Variants in SCNN1B observed in about 807,000 individuals in gnomAD.
The protein encoded by SCNN1B is sodium channel epithelial 1 subunit beta.
SCNN1B carries 46 observed loss-of-function variants against 65.3 expected under a neutral mutation model. The observed-to-expected ratio is 0.70, with a 90% CI of 0.56 to 0.90. The LOEUF is 0.90. SCNN1B is among the 40% of genes least tolerant of loss of function. The pLI, the probability that SCNN1B is intolerant of heterozygous loss-of-function variation, is 0.00. For synonymous variants in SCNN1B, 349 were observed against 330.6 expected, an observed-to-expected ratio of 1.06 and a Z score of -0.60; for missense variants, 751 against 830.5, an observed-to-expected ratio of 0.90 and a Z score of 1.18.
At chr16:23,296,433 T>C (rs1960997803) in intron 2 of SCNN1B, among the ~76,000 whole-genome samples, 1 of 152,208 alleles carries the variant, frequency 6.6e-6, no homozygotes, top group South Asian at 2.1e-4. Context: ...TCCGGTCCCC[T>C]ACCCACCCCA....
chr16:23,355,729 AG>A (rs1251928929), intron 4 of SCNN1B, among the ~76,000 whole-genome samples: 1 of 152,108 alleles, frequency 6.6e-6, no homozygotes, highest in Non-Finnish European at 1.5e-5. Context: ...AAAAGTCTGC[AG>A]GGAAAGTGGG....
intron 5 of SCNN1B, among the ~76,000 whole-genome samples, chr16:23,369,028 C>A (rs750631180): frequency 1.7e-4 from 26 of 152,230 alleles, no homozygotes; most frequent in Non-Finnish European, 3.4e-4. Context: ...TGCGCTTGAA[C>A]CCCTTACATT....
chr16:23,303,332 G>C (rs1363031993), intron 1 of SCNN1B, among the ~76,000 whole-genome samples: 1 of 152,086 alleles, frequency 6.6e-6, no homozygotes, highest in African/African-American at 2.4e-5. Context: ...TTGGTCCCTG[G>C]CAGCCCAGCT....
intron 1 of SCNN1B, among the ~76,000 whole-genome samples, chr16:23,324,281 G>A (rs1961648291): frequency 6.6e-6 from 1 of 151,318 alleles, no homozygotes; most frequent in Non-Finnish European, 1.5e-5. Flanking sequence ...TGGAACTCCT[G>A]GGATCCAGCG....
chr16:23,281,602 A>G (rs898267160), intron 1 of SCNN1B, among the ~76,000 whole-genome samples: 2 of 152,170 alleles, frequency 1.3e-5, no homozygotes, highest in African/African-American at 4.8e-5. Context: ...AAGAATAGAT[A>G]AGGGTTTTTA....
At chr16:23,322,256 T>G (rs1567296638) in intron 1 of SCNN1B, among the ~76,000 whole-genome samples, 1 of 152,062 alleles carries the variant, frequency 6.6e-6, no homozygotes, top group Non-Finnish European at 1.5e-5. Flanking sequence ...CCAACATACA[T>G]ACAACACAAG....
In SCNN1B at chr16:23,337,554, T is replaced by C. The variant is rs1320814998; in HGVS notation, c.-8-11038T>C. ...CACCATGCCCGGCTAATTTTTGTAT[T>C]TTTAGTAGAGACAGGGTTTCACCAT... On this transcript the variant is annotated intron_variant, in intron 1 of 12. Coordinates refer to ENST00000343070, the MANE Select transcript of SCNN1B (RefSeq NM_000336.3). Among the ~76,000 whole-genome samples, 6 of 151,950 alleles carry C rather than the reference T, an allele frequency of 3.9e-5. No individual in the cohort carries two copies. The East Asian group carries it at 1.2e-3, about 30-fold the overall frequency.
Position 23,375,819 on chromosome 16 carries a change from G to A in SCNN1B, c.1234G>A (p.Glu412Lys). 1 of 1,613,906 alleles carries A rather than the reference G, an allele frequency of 6.2e-7. No individual in the cohort carries two copies. The highest frequency in any genetic ancestry group is 1.7e-5 in the Admixed American group (1 of 60,020). The change falls in exon 8 of 13, where the codon GAG becomes AAG. Residue 412 changes from glutamate (E) to lysine (K), a missense_variant. By Grantham distance (56) the Glu-to-Lys change is moderately conservative (BLOSUM62 1). Transcript: ENST00000343070. ...GHYLYPLPRG[E>K]KYCNNRDFPD... is the part of the protein sequence containing the mutation. ...CTACCTGTACCCACTGCCCCGTGGGGAGAAATACTGCAACAACCGGGACTT... is the reference window on the plus strand; with the variant it reads ...CTACCTGTACCCACTGCCCCGTGGGAAGAAATACTGCAACAACCGGGACTT...
intron 4 of SCNN1B, chr16:23,359,085 C>T (rs1962479992): frequency 2.0e-5 from 3 of 152,040 alleles, no homozygotes; most frequent in South Asian, 4.2e-4. Flanking sequence ...GTTATTTTCC[C>T]CTTATTTTAT....
Position 23,307,706 on chromosome 16 carries a change from A to G in SCNN1B, c.-9+5269A>G, listed in dbSNP as rs550820905. On this transcript the variant is annotated intron_variant, in intron 1 of 12. Coordinates refer to ENST00000343070, the MANE Select transcript of SCNN1B (RefSeq NM_000336.3). ...ACCCAGGGAGTGAATGACCTAAGCC[A>G]GTGGGTCTCAAAGTGTAGTCCCCCC... Among the ~76,000 whole-genome samples, 10 of 152,278 alleles carry G rather than the reference A, an allele frequency of 6.6e-5. No individual in the cohort carries two copies. The South Asian group carries it at 1.2e-3, about 19-fold the overall frequency.
At chr16:23,363,075 G>A (rs72774370) in intron 4 of SCNN1B, among the ~76,000 whole-genome samples, 9,326 of 152,134 alleles carry the variant, frequency 0.061, 372 homozygotes, top group South Asian at 0.2. Flanking sequence ...TCCCTGACTC[G>A]CTCCCCACTC....
rs747116196 is a variant in SCNN1B, at chr16:23,355,360, C to CA, written c.648dup (p.Glu217ArgfsTer38). ...TTCACCAGTGCTACCCAGGCATTGA[C>CA]AGAGTGGTACATCCTGCAGGCCACC... On this transcript the variant is annotated frameshift_variant, in exon 4 of 13. Transcript: ENST00000343070. LOFTEE classifies it high-confidence loss of function. 28 of 1,614,042 alleles carry CA rather than the reference C, an allele frequency of 1.7e-5. No homozygotes were observed. The highest frequency in any genetic ancestry group is 1.7e-6 in the Non-Finnish European group (2 of 1,180,020).
chr16:23,364,973 A>G (rs536813551), intron 4 of SCNN1B, among the ~76,000 whole-genome samples: 6 of 152,232 alleles, frequency 3.9e-5, no homozygotes, highest in South Asian at 2.1e-4. Context: ...TGAAAATACA[A>G]AAATTAGCTG....
At chr16:23,349,052 C>T (rs964627536) in intron 2 of SCNN1B, 142 bp downstream of exon 2, 5 of 702,516 alleles carry the variant, frequency 7.1e-6, no homozygotes, top group Non-Finnish European at 9.8e-6. Context: ...TTCTTCCTTC[C>T]TTTCTCCCTT....
At chr16:23,309,773 AC>A (rs1487677799) in intron 1 of SCNN1B, among the ~76,000 whole-genome samples, 10 of 152,178 alleles carry the variant, frequency 6.6e-5, no homozygotes, top group Non-Finnish European at 1.3e-4. Flanking sequence ...CAACACCCTC[AC>A]AGACACACCC....
chr16:23,307,646 C>T (rs1280372118), intron 1 of SCNN1B, among the ~76,000 whole-genome samples: 3 of 152,140 alleles, frequency 2.0e-5, no homozygotes, highest in East Asian at 1.9e-4. Flanking sequence ...GCCCCTTGAC[C>T]TAACTCACAT....
At position 23,377,408 on chromosome 16, in the gene SCNN1B, C is replaced by T. The variant is rs1014916267; in HGVS notation, c.1404+22C>T. The T allele has an allele frequency of 8.7e-6, 14 of 1,612,284 alleles. No individual in the cohort carries two copies. In the Admixed American group the frequency reaches 1.3e-4, roughly 15 times the overall value. ...CGAGGTGAGACAGTTGGGGGCCAAGCTCCTGGCTCCCACCTTTGGCTGGGG... is the reference window on the plus strand; with the variant it reads ...CGAGGTGAGACAGTTGGGGGCCAAGTTCCTGGCTCCCACCTTTGGCTGGGG... On this transcript the variant is annotated intron_variant, in intron 10 of 12. Transcript: ENST00000343070.
chr16:23,321,496 A>C (rs1051821060), intron 1 of SCNN1B, among the ~76,000 whole-genome samples: 1 of 152,130 alleles, frequency 6.6e-6, no homozygotes, highest in African/African-American at 2.4e-5. Flanking sequence ...AAGACAGCAC[A>C]CAGAGCCTGG....
chr16:23,293,093 C>A (rs1352003680), intron 2 of SCNN1B, among the ~76,000 whole-genome samples: 2 of 102,856 alleles, frequency 1.9e-5, no homozygotes, highest in East Asian at 3.3e-4. Flanking sequence ...CCAGTCTGGG[C>A]AATACAGGGA....
Sources: gnomAD v4.1 joint callset for allele counts (sites outside exome capture counted in the v4.1 genomes callset) on GRCh38, gnomAD v4.1.1 for gene constraint, MANE v1.5 for transcripts, NCBI Gene and HGNC (gene_info 2026-07-23, HGNC 2026-07-21) for gene names.